GSR: variants seen among roughly 807,000 people sequenced by gnomAD.
The protein encoded by GSR is glutathione-disulfide reductase, also known as glutathione reductase, mitochondrial.
In GSR, 48 loss-of-function variants were observed where a neutral mutation model predicts 56.5. The ratio of observed to expected loss-of-function variants is 0.85; its 90% CI spans 0.67 to 1.08. GSR has a LOEUF of 1.08. Ranked by LOEUF, GSR falls within the 50% of genes least tolerant of loss-of-function variation. GSR has a pLI of 0.00. For synonymous variants in GSR, 264 were observed against 270.8 expected (o/e 0.97, Z 0.25); for missense variants, 694 against 703.3 (o/e 0.99, Z 0.15).
chr8:30,690,844 C>G (rs1289080263), intron 8 of GSR, among the ~76,000 whole-genome samples: 1 of 152,112 alleles, frequency 6.6e-6, no homozygotes, highest in East Asian at 1.9e-4. Context: ...GCTAGAGGAT[C>G]ACTTGAGCTC....
intron 1 of GSR, among the ~76,000 whole-genome samples, chr8:30,724,869 ATC>A (rs1804674620): frequency 6.6e-6 from 1 of 152,294 alleles, no homozygotes; most frequent in East Asian, 1.9e-4. Flanking sequence ...GCCTCAGTAA[ATC>A]TACATTTTAC....
chr8:30,723,813 CA>C lies in GSR; in HGVS notation c.306+3716del, dbSNP rs1804635340. ...ACACACACACACACACACACACACA[CA>C]CACACCCAGGTCTGCTGGGACCTAG... On this transcript the variant is annotated intron_variant, in intron 1 of 12. Transcript: ENST00000221130. Among the ~76,000 whole-genome samples the C allele has an allele frequency of 2.6e-4, 5 of 19,380 alleles. No homozygotes were observed. In the Non-Finnish European group the frequency reaches 7.8e-3, roughly 30 times the overall value. The allele number at this position is 19,380 out of a possible 152,430, so 12.7% of individuals were successfully genotyped here. A position where few individuals can be genotyped will look rare whatever the true frequency, so the allele number is the denominator to read the frequency against.
chr8:30,682,652 A>G (rs1465665411), intron 10 of GSR, among the ~76,000 whole-genome samples: 1 of 152,108 alleles, frequency 6.6e-6, no homozygotes, highest in African/African-American at 2.4e-5. Context: ...ACAAGTTCTC[A>G]CTTACCTGGC....
At chr8:30,720,846 G>A (rs561135349) in intron 1 of GSR, among the ~76,000 whole-genome samples, 7 of 53,110 alleles carry the variant, frequency 1.3e-4, no homozygotes, top group East Asian at 2.1e-3. Context: ...ACTGGGTGCC[G>A]TGGCTCACAC....
At chr8:30,688,578 CA>C (rs57690198) in intron 9 of GSR, among the ~76,000 whole-genome samples, 17,080 of 81,158 alleles carry the variant, frequency 0.21, 1,141 homozygotes, top group East Asian at 0.36. Context: ...GACCCTGTCT[CA>C]AAAAAAAAAA....
chr8:30,689,482 C>T (rs1168229123), intron 8 of GSR, among the ~76,000 whole-genome samples, 163 bp from the exon 9 acceptor site: 3 of 152,138 alleles, frequency 2.0e-5, no homozygotes, highest in Non-Finnish European at 2.9e-5. Flanking sequence ...AGGCCACCAA[C>T]ACTTGAACTC....
At chr8:30,690,150 A>T (rs998560848) in intron 8 of GSR, among the ~76,000 whole-genome samples, 1 of 122,416 alleles carries the variant, frequency 8.2e-6, no homozygotes, top group South Asian at 2.6e-4. Context: ...ACATATAAAT[A>T]AAATAATATA....
intron 7 of GSR, 59 bp from the exon 8 acceptor site, chr8:30,693,114 C>G: frequency 9.6e-7 from 1 of 1,044,508 alleles, no homozygotes; most frequent in Non-Finnish European, 1.5e-6. Flanking sequence ...CAAAGACACA[C>G]CACAAACTTG....
At chr8:30,679,707 T>C (rs1802876826) in intron 12 of GSR, 38 bp from the exon 13 acceptor site, 1 of 52,072 alleles carries the variant, frequency 1.9e-5, no homozygotes, top group African/African-American at 1.6e-4. Flanking sequence ...TTCTTTCTTC[T>C]TTTTTTTTTT....
rs60532553 is a variant in GSR, at chr8:30,710,714, C to CAAAAA, written c.334-817_334-813dup. Reference sequence around the variant, plus strand: ...CCTGGGCAAGAGTGAGACTCTGTCTCAAAAAAAAAAAAAAAAAAAAAAAAA... The same window carrying CAAAAA: ...CCTGGGCAAGAGTGAGACTCTGTCTCAAAAAAAAAAAAAAAAAAAAAAAAAAAAAA... On this transcript the variant is annotated intron_variant, in intron 2 of 12. Coordinates refer to ENST00000221130, the MANE Select transcript of GSR (RefSeq NM_000637.5). Among the ~76,000 whole-genome samples, 35 of 51,026 alleles carry CAAAAA rather than the reference C, an allele frequency of 6.9e-4. 2 individuals are homozygous for CAAAAA. Among genetic ancestry groups the CAAAAA allele is most frequent in the African/African-American group, 2.0e-3 (30 of 15,200 alleles). The allele number at this position is 51,026 out of a possible 152,430, so 33.5% of individuals were successfully genotyped here.
chr8:30,709,298 A>G (rs934670555), intron 3 of GSR, among the ~76,000 whole-genome samples: 1 of 151,998 alleles, frequency 6.6e-6, no homozygotes, highest in African/African-American at 2.4e-5. Context: ...CCAGGAGCTC[A>G]AGATAGCAGT....
At chr8:30,705,354 C>T (rs1803885152) in intron 4 of GSR, among the ~76,000 whole-genome samples, 1 of 152,010 alleles carries the variant, frequency 6.6e-6, no homozygotes, top group Non-Finnish European at 1.5e-5. Context: ...GCTCCGCCTC[C>T]AGGGTTCACG....
intron 7 of GSR, among the ~76,000 whole-genome samples, chr8:30,694,288 C>T (rs1803478858): frequency 6.6e-6 from 1 of 152,142 alleles, no homozygotes; most frequent in Admixed American, 6.6e-5. Context: ...CCCTGCAGAA[C>T]TAGGCCCCAA....
intron 11 of GSR, among the ~76,000 whole-genome samples, chr8:30,681,298 G>A (rs2128736626): frequency 6.6e-6 from 1 of 152,318 alleles, no homozygotes; most frequent in South Asian, 2.1e-4. Context: ...GAGAGGCAGA[G>A]GCAGGTGGAT....
chr8:30,721,607 C>T (rs548108906), intron 1 of GSR, among the ~76,000 whole-genome samples: 2 of 149,838 alleles, frequency 1.3e-5, no homozygotes, highest in African/African-American at 2.5e-5. Flanking sequence ...GAGCCAAGAT[C>T]GTGCCACTGC....
At chr8:30,704,952 A>G (rs142633569) in intron 4 of GSR, 1 of 152,326 alleles carries the variant, frequency 6.6e-6, no homozygotes, top group East Asian at 1.9e-4. Flanking sequence ...TTCAGTTTCC[A>G]GGATATTAGA....
At chr8:30,702,636 A>G (rs1451754303) in intron 5 of GSR, among the ~76,000 whole-genome samples, 1 of 152,138 alleles carries the variant, frequency 6.6e-6, no homozygotes, top group African/African-American at 2.4e-5. Flanking sequence ...AATATGTCTG[A>G]GCCTGGGGCC....
At chr8:30,724,855 A>G (rs1192209527) in intron 1 of GSR, among the ~76,000 whole-genome samples, 1 of 152,184 alleles carries the variant, frequency 6.6e-6, no homozygotes, top group Admixed American at 6.5e-5. Context: ...TGAGGTTCTT[A>G]TGAGCCTCAG....
chr8:30,680,378 C>G (rs1239105188), intron 12 of GSR, among the ~76,000 whole-genome samples: 3 of 112,950 alleles, frequency 2.7e-5, no homozygotes, highest in Non-Finnish European at 5.5e-5. Flanking sequence ...CCTGGCCTCT[C>G]CTGTTTTTTT....
Sources: allele counts gnomAD v4.1 joint callset (sites outside exome capture counted in the v4.1 genomes callset), GRCh38; gene constraint gnomAD v4.1.1; transcripts MANE v1.5; gene names NCBI Gene and HGNC (gene_info 2026-07-23, HGNC 2026-07-21).